The following SENP6 variants were observed in gnomAD, a reference collection of about 807,000 sequenced individuals.
SENP6 encodes SUMO specific peptidase 6, also known as sentrin-specific protease 6.
In SENP6, 41 loss-of-function variants were observed where a neutral mutation model predicts 134.5. That is an observed-to-expected ratio of 0.30 (90% CI 0.24 to 0.40). The LOEUF (loss-of-function observed/expected upper bound fraction) is 0.40, where lower values mean the gene tolerates loss of function less well. SENP6 is among the 10% of genes least tolerant of loss of function. SENP6 has a pLI of 1.00. For synonymous variants in SENP6, 395 were observed against 429.8 expected (o/e 0.92, Z 1.00); for missense variants, 1,248 against 1,312.5 (o/e 0.95, Z 0.76).
chr6:75,701,582 G>C (rs568207247), intron 18 of SENP6, among the ~76,000 whole-genome samples: 1 of 90,274 alleles, frequency 1.1e-5, no homozygotes, highest in African/African-American at 4.5e-5. Flanking sequence ...GCAATTCTTA[G>C]AATGTTGAAA....
chr6:75,688,834 G>A (rs1249010831), intron 16 of SENP6, among the ~76,000 whole-genome samples: 7 of 152,216 alleles, frequency 4.6e-5, no homozygotes, highest in African/African-American at 1.4e-4. Context: ...TTGGGAAGCC[G>A]AGGCAGGTGG....
At chr6:75,610,577 C>T (rs1222554842) in intron 1 of SENP6, among the ~76,000 whole-genome samples, 1 of 152,114 alleles carries the variant, frequency 6.6e-6, no homozygotes, top group East Asian at 1.9e-4. Flanking sequence ...TTTTGTACTT[C>T]CCAGAATCTT....
At chr6:75,607,816 C>T (rs1480503032) in intron 1 of SENP6, among the ~76,000 whole-genome samples, 1 of 152,130 alleles carries the variant, frequency 6.6e-6, no homozygotes, top group East Asian at 1.9e-4. Context: ...CTTAGCCAGT[C>T]TTTTATGTTA....
chr6:75,684,920 G>A (rs1002782754), intron 16 of SENP6, among the ~76,000 whole-genome samples: 1 of 152,192 alleles, frequency 6.6e-6, no homozygotes, highest in Non-Finnish European at 1.5e-5. Flanking sequence ...CATAAAATGA[G>A]TTAGGGAGGA....
intron 19 of SENP6, 131 bp downstream of exon 19, chr6:75,703,203 C>T (rs1358266168): frequency 2.6e-6 from 2 of 770,418 alleles, no homozygotes; most frequent in East Asian, 2.8e-5. Context: ...CGCTTATAAT[C>T]CCAGCACTTT....
At chr6:75,648,732 C>T (rs556350407) in intron 7 of SENP6, among the ~76,000 whole-genome samples, 1 of 152,210 alleles carries the variant, frequency 6.6e-6, no homozygotes, top group South Asian at 2.1e-4. Flanking sequence ...TTCTGTTATA[C>T]CTTAAATGTT....
Position 75,678,961 on chromosome 6 carries a change from C to A in SENP6, c.2075+34C>A, listed in dbSNP as rs76693226. On this transcript the variant is annotated intron_variant, in intron 16 of 23. Coordinates refer to ENST00000447266, the MANE Select transcript of SENP6 (RefSeq NM_015571.4). ...ATTTTCCACTGATCTTTTATTAAATCTTTAACATTCCGTCATATCTTATGT... is the reference window on the plus strand; with the variant it reads ...ATTTTCCACTGATCTTTTATTAAATATTTAACATTCCGTCATATCTTATGT... 313 of 1,014,328 alleles carry A rather than the reference C, an allele frequency of 3.1e-4. 1 individual carries two copies. Among genetic ancestry groups the A allele is most frequent in the Non-Finnish European group, 4.1e-4 (268 of 653,284 alleles). 62.8% of individuals were successfully genotyped at this position (1,014,328 alleles called of 1,614,324 possible).
intron 9 of SENP6, among the ~76,000 whole-genome samples, chr6:75,666,111 A>G (rs1236781693): frequency 6.9e-6 from 1 of 145,364 alleles, no homozygotes; most frequent in Non-Finnish European, 1.5e-5. Context: ...TATAAAATGT[A>G]TATATGATAT....
intron 1 of SENP6, among the ~76,000 whole-genome samples, chr6:75,603,105 G>A (rs1047921908): frequency 2.6e-5 from 4 of 152,130 alleles, no homozygotes; most frequent in African/African-American, 9.7e-5. Flanking sequence ...TATTCTTTCG[G>A]AATGTGTTTT....
chr6:75,659,133 AAAAT>A (rs1771578372), intron 7 of SENP6, 125 bp from the exon 8 acceptor site: 4 of 688,824 alleles, frequency 5.8e-6, no homozygotes, highest in South Asian at 2.1e-5. Flanking sequence ...TGAGGAGTGA[AAAAT>A]AAATAAGAGA....
chr6:75,668,889 G>A (rs1262631683), intron 10 of SENP6, among the ~76,000 whole-genome samples: 2 of 152,170 alleles, frequency 1.3e-5, no homozygotes, highest in Admixed American at 1.3e-4. Context: ...TCCATGGAGG[G>A]TGTGGACCAT....
intron 2 of SENP6, among the ~76,000 whole-genome samples, chr6:75,622,433 C>A (rs947409631): frequency 1.3e-5 from 2 of 152,104 alleles, no homozygotes; most frequent in East Asian, 1.9e-4. Context: ...GTGGCATACA[C>A]CTGTAATCCC....
chr6:75,652,700 A>AAGAAAAAAAAAAAAAAAAAAAG (rs1554166662), intron 7 of SENP6, among the ~76,000 whole-genome samples: 1 of 149,552 alleles, frequency 6.7e-6, no homozygotes, highest in African/African-American at 2.5e-5. Flanking sequence ...AAAAAAAAAA[A>AAGAAAAAAAAAAAAAAAAAAAG]AAAGAAAAAG....
At chr6:75,676,368 G>A (rs940109402) in intron 13 of SENP6, among the ~76,000 whole-genome samples, 7 of 152,074 alleles carry the variant, frequency 4.6e-5, no homozygotes, top group African/African-American at 7.2e-5. Context: ...TAACTGATAG[G>A]AATATTAAAT....
At chr6:75,633,477 A>C in intron 3 of SENP6, 104 bp from the exon 4 acceptor site, 1 of 937,536 alleles carries the variant, frequency 1.1e-6, no homozygotes. Context: ...CATCATTCCC[A>C]ATAGCTGTAT....
intron 1 of SENP6, among the ~76,000 whole-genome samples, chr6:75,614,702 A>G (rs1767719024): frequency 6.6e-6 from 1 of 152,152 alleles, no homozygotes; most frequent in Admixed American, 6.5e-5. Flanking sequence ...CCAATTATTA[A>G]TATAATGGTT....
chr6:75,682,040 T>G (rs1773499758), intron 16 of SENP6, among the ~76,000 whole-genome samples: 1 of 151,482 alleles, frequency 6.6e-6, no homozygotes, highest in Admixed American at 6.6e-5. Flanking sequence ...TTAAATAGGT[T>G]GAAAGAAAAA....
chr6:75,625,604 T>C (rs191965860), intron 3 of SENP6, among the ~76,000 whole-genome samples: 167 of 152,318 alleles, frequency 1.1e-3, no homozygotes, highest in African/African-American at 3.8e-3. Flanking sequence ...CACAGTGGCT[T>C]ATGCCAGTAA....
chr6:75,687,143 AT>A (rs1479804629), intron 16 of SENP6, among the ~76,000 whole-genome samples: 1 of 152,036 alleles, frequency 6.6e-6, no homozygotes, highest in Admixed American at 6.5e-5. Flanking sequence ...TATTTCATTA[AT>A]TTGACCTTCA....
Sources: allele counts gnomAD v4.1 joint callset (sites outside exome capture counted in the v4.1 genomes callset), GRCh38; gene constraint gnomAD v4.1.1; transcripts MANE v1.5; gene names NCBI Gene and HGNC (gene_info 2026-07-23, HGNC 2026-07-21).